Variants in MMP16 observed in about 807,000 individuals in gnomAD.
MMP16 encodes the protein matrix metalloproteinase-16.
MMP16 carries 12 observed loss-of-function variants against 67.8 expected under a neutral mutation model. That is an observed-to-expected ratio of 0.18 (90% confidence interval 0.11 to 0.29). The LOEUF (loss-of-function observed/expected upper bound fraction) is 0.29. MMP16 is among the 10% of genes least tolerant of loss of function. MMP16 has a pLI of 1.00. For missense variants in MMP16, 475 were observed against 765.7 expected, an observed-to-expected ratio of 0.62 and a Z score of 4.48; for synonymous variants, 249 against 255.9, an observed-to-expected ratio of 0.97 and a Z score of 0.26.
intron 1 of MMP16, among the ~76,000 whole-genome samples, chr8:88,235,237 CA>C (rs1243963186): frequency 6.6e-6 from 1 of 151,844 alleles, no homozygotes; most frequent in Non-Finnish European, 1.5e-5. Context: ...ACTAAAAGTT[CA>C]AAAATTAGCC....
chr8:88,106,051 G>GTATATA (rs34758855), intron 6 of MMP16, among the ~76,000 whole-genome samples: 7,582 of 145,178 alleles, frequency 0.052, 223 homozygotes, highest in South Asian at 0.082. Flanking sequence ...TACACGTTAT[G>GTATATA]TATATATATA....
At chr8:88,203,129 G>T (rs1389940984) in intron 1 of MMP16, among the ~76,000 whole-genome samples, 1 of 114,640 alleles carries the variant, frequency 8.7e-6, no homozygotes, top group Non-Finnish European at 1.7e-5. Flanking sequence ...TTTTGAGACA[G>T]AGTCTCGCTC....
At chr8:88,300,733 G>C (rs774114826) in intron 1 of MMP16, among the ~76,000 whole-genome samples, 2 of 152,122 alleles carry the variant, frequency 1.3e-5, no homozygotes, top group Non-Finnish European at 2.9e-5. Context: ...ATGAAGACAA[G>C]GGGATACTGC....
At chr8:88,266,553 G>T (rs1269257990) in intron 1 of MMP16, among the ~76,000 whole-genome samples, 1 of 152,116 alleles carries the variant, frequency 6.6e-6, no homozygotes, top group Non-Finnish European at 1.5e-5. Flanking sequence ...GAATCTTTAT[G>T]GCATTGTACT....
chr8:88,289,847 T>C (rs80241267), intron 1 of MMP16, among the ~76,000 whole-genome samples: 2,764 of 152,142 alleles, frequency 0.018, 83 homozygotes, highest in African/African-American at 0.063. Flanking sequence ...TTCCTGTGCC[T>C]ACCCCACTAG....
intron 3 of MMP16, among the ~76,000 whole-genome samples, chr8:88,171,628 A>G (rs1446626539): frequency 2.6e-5 from 4 of 152,188 alleles, no homozygotes; most frequent in Non-Finnish European, 5.9e-5. Flanking sequence ...AAAAAATAGG[A>G]AAAAACATAA....
intron 4 of MMP16, among the ~76,000 whole-genome samples, chr8:88,148,740 G>C (rs200234815): frequency 1.6e-5 from 1 of 62,180 alleles, no homozygotes; most frequent in Non-Finnish European, 3.1e-5. Context: ...TTAGTAGTAA[G>C]AAGAATCTCT....
intron 1 of MMP16, among the ~76,000 whole-genome samples, chr8:88,286,361 T>C (rs968963922): frequency 3.3e-5 from 5 of 152,184 alleles, no homozygotes; most frequent in Admixed American, 2.0e-4. Flanking sequence ...CCTGATTATT[T>C]TGGACTCACA....
intron 1 of MMP16, among the ~76,000 whole-genome samples, chr8:88,296,319 A>G (rs1490544891): frequency 6.6e-6 from 1 of 152,220 alleles, no homozygotes; most frequent in East Asian, 1.9e-4. Context: ...ATAATTGTGT[A>G]TATTTACAGA....
chr8:88,152,337 A>G (rs1296724287), intron 4 of MMP16, among the ~76,000 whole-genome samples: 1 of 126,588 alleles, frequency 7.9e-6, no homozygotes, highest in Non-Finnish European at 1.6e-5. Flanking sequence ...CAATAGAAAA[A>G]GAGGGACTCC....
intron 6 of MMP16, among the ~76,000 whole-genome samples, chr8:88,102,760 G>A (rs928780715): frequency 1.4e-4 from 22 of 151,874 alleles, no homozygotes; most frequent in South Asian, 1.0e-3. Context: ...ACTCCAAGGC[G>A]TTTAAAAATT....
intron 1 of MMP16, among the ~76,000 whole-genome samples, chr8:88,313,759 A>G (rs1018029387): frequency 2.0e-5 from 3 of 152,158 alleles, no homozygotes; most frequent in Non-Finnish European, 4.4e-5. Flanking sequence ...TAATGGACTC[A>G]CAGTTCCACA....
At chr8:88,107,371 T>C (rs1260672762) in intron 6 of MMP16, among the ~76,000 whole-genome samples, 3 of 151,154 alleles carry the variant, frequency 2.0e-5, no homozygotes, top group African/African-American at 7.2e-5. Context: ...GAATTACTTT[T>C]AATTTTTAGA....
intron 1 of MMP16, among the ~76,000 whole-genome samples, chr8:88,286,869 C>T (rs1270058865): frequency 6.6e-6 from 1 of 152,154 alleles, no homozygotes; most frequent in African/African-American, 2.4e-5. Flanking sequence ...CCACGCCCGG[C>T]CTGGAACTCT....
intron 1 of MMP16, among the ~76,000 whole-genome samples, chr8:88,221,743 G>A (rs1809686662): frequency 6.6e-6 from 1 of 151,940 alleles, no homozygotes; most frequent in African/African-American, 2.4e-5. Flanking sequence ...AAAAAATCAT[G>A]GAATCAGTTA....
intron 1 of MMP16, among the ~76,000 whole-genome samples, chr8:88,283,208 C>T (rs1054489418): frequency 6.6e-5 from 10 of 152,204 alleles, no homozygotes; most frequent in Admixed American, 2.0e-4. Context: ...GGGACTTGCA[C>T]GATAAGAGAT....
At chr8:88,197,401 T>A (rs1809274242) in intron 1 of MMP16, 95 bp from the exon 2 acceptor site, 4 of 1,050,596 alleles carry the variant, frequency 3.8e-6, no homozygotes, top group Non-Finnish European at 5.1e-6. Flanking sequence ...GTTTTGAACA[T>A]TTTCTCCACA....
chr8:88,296,046 C>G (rs1456220874), intron 1 of MMP16, among the ~76,000 whole-genome samples: 1 of 152,078 alleles, frequency 6.6e-6, no homozygotes, highest in Non-Finnish European at 1.5e-5. Flanking sequence ...CTAACTGAGA[C>G]TAGTCCAAAT....
intron 4 of MMP16, among the ~76,000 whole-genome samples, chr8:88,132,708 T>C (rs1298811520): frequency 6.6e-6 from 1 of 151,882 alleles, no homozygotes; most frequent in Non-Finnish European, 1.5e-5. Context: ...ACTTCTTCCA[T>C]AGTCTATTCA....
Sources: gnomAD v4.1 joint callset for allele counts (sites outside exome capture counted in the v4.1 genomes callset) on GRCh38, gnomAD v4.1.1 for gene constraint, MANE v1.5 for transcripts, NCBI Gene and HGNC (gene_info 2026-07-23, HGNC 2026-07-21) for gene names.